Variants in RECK observed in about 807,000 individuals in gnomAD.
The protein encoded by RECK is reversion-inducing cysteine-rich protein with Kazal motifs.
Under a neutral mutation model 115.1 loss-of-function variants are expected in RECK, and 69 were observed. The observed-to-expected ratio is 0.60, with a 90% CI of 0.49 to 0.73. RECK has a LOEUF of 0.73. Ranked by LOEUF, RECK falls within the 30% of genes least tolerant of loss-of-function variation. The pLI is 0.00. For synonymous variants in RECK, 414 were observed against 419.7 expected, an observed-to-expected ratio of 0.99 and a Z score of 0.17; for missense variants, 1,047 against 1,203.7, an observed-to-expected ratio of 0.87 and a Z score of 1.93.
At chr9:36,080,209 C>G (rs538343684) in intron 6 of RECK, among the ~76,000 whole-genome samples, 1 of 152,256 alleles carries the variant, frequency 6.6e-6, no homozygotes, top group East Asian at 1.9e-4. Context: ...GTCTAAAATC[C>G]TTTCAAATCT....
intron 13 of RECK, among the ~76,000 whole-genome samples, chr9:36,106,498 A>C (rs1165178075): frequency 1.3e-5 from 2 of 151,776 alleles, no homozygotes; most frequent in South Asian, 4.2e-4. Context: ...TCAGCCTCTC[A>C]GAGTGCTGGG....
rs776334017 is a variant in RECK, at chr9:36,123,053, C to T, written c.*8C>T. On this transcript the variant is annotated 3_prime_UTR_variant, in exon 21 of 21. Coordinates refer to ENST00000377966, the MANE Select transcript of RECK (RefSeq NM_021111.3). ...CTCTGGACATATAACTGACTGCCCA[C>T]GGAAAGTGCAGAATGCTCCTCCACC... 28 of 1,607,512 alleles carry T rather than the reference C, an allele frequency of 1.7e-5. No individual in the cohort carries two copies. The highest frequency in any genetic ancestry group is 2.3e-5 in the Non-Finnish European group (27 of 1,174,936).
intron 1 of RECK, among the ~76,000 whole-genome samples, chr9:36,047,324 G>A (rs1452599745): frequency 2.0e-5 from 3 of 152,072 alleles, no homozygotes; most frequent in Admixed American, 6.6e-5. Context: ...ATAAGAAAGC[G>A]TCGGCCAGGT....
At chr9:36,077,986 C>T (rs1365154377) in intron 6 of RECK, among the ~76,000 whole-genome samples, 2 of 151,944 alleles carry the variant, frequency 1.3e-5, no homozygotes, top group African/African-American at 2.4e-5. Flanking sequence ...AGAGTGGAGG[C>T]CAACCTGGGC....
At chr9:36,089,788 A>T (rs1432347028) in intron 9 of RECK, among the ~76,000 whole-genome samples, 1 of 152,186 alleles carries the variant, frequency 6.6e-6, no homozygotes, top group Non-Finnish European at 1.5e-5. Context: ...ATCCAAAAAA[A>T]ATCCAAAATT....
At chr9:36,102,326 T>C in intron 12 of RECK, 96 bp downstream of exon 12, 2 of 1,095,882 alleles carry the variant, frequency 1.8e-6, no homozygotes, top group Non-Finnish European at 2.6e-6. Context: ...ATTTATCTGT[T>C]GAGAACATGG....
In RECK at chr9:36,117,938, C is replaced by T. The variant is rs144015108; in HGVS notation, c.2253+761C>T. Among the ~76,000 whole-genome samples, 34 of 152,272 alleles carry T rather than the reference C, an allele frequency of 2.2e-4. No homozygotes were observed. The East Asian group carries it at 6.6e-3, about 29-fold the overall frequency. On this transcript the variant is annotated intron_variant, in intron 17 of 20. Coordinates refer to ENST00000377966, the MANE Select transcript of RECK (RefSeq NM_021111.3). ...GAAGTTGCAGTGAGCCGAGATCATG[C>T]CATTGCACTCCAGCCTGGGTGACAG...
rs758318988 is a variant in RECK at position 36,122,928 on chromosome 9, G to C, written c.2799G>C (p.Gln933His). The change falls in exon 21 of 21, where the codon CAG becomes CAC. Residue 933 changes from glutamine to histidine, a missense_variant. Coordinates refer to ENST00000377966, the MANE Select transcript of RECK (RefSeq NM_021111.3). The part of the protein sequence containing the change: ...HVPLSALIIS[Q>H]VQVSSSVPSA... ...CTCTCTCTGCCCTCATCATTTCCCAGGTACAGGTCTCCAGCAGTGTGCCAT... is the reference window on the plus strand; with the variant it reads ...CTCTCTCTGCCCTCATCATTTCCCACGTACAGGTCTCCAGCAGTGTGCCAT... The C allele has an allele frequency of 1.2e-6, 2 of 1,614,190 alleles. No homozygotes were observed. Among genetic ancestry groups the C allele is most frequent in the South Asian group, 2.2e-5 (2 of 91,072 alleles).
chr9:36,120,515 T>C, intron 18 of RECK, 148 bp from the exon 19 acceptor site: 1 of 613,538 alleles, frequency 1.6e-6, no homozygotes, highest in Non-Finnish European at 2.9e-6. Flanking sequence ...GACTCCAGGT[T>C]GGTCAAGGAG....
chr9:36,057,151 TAAAA>T (rs34821500), intron 2 of RECK: 6 of 155,916 alleles, frequency 3.8e-5, no homozygotes, highest in South Asian at 2.1e-4. Flanking sequence ...CAGCATCAAT[TAAAA>T]AAAAAAAAAA....
Position 36,107,318 on chromosome 9 carries a change from G to A in RECK, c.1577-658G>A, listed in dbSNP as rs576623597. Among the ~76,000 whole-genome samples the A allele has an allele frequency of 8.6e-5, 13 of 150,588 alleles. No homozygotes were observed. In the East Asian group the frequency reaches 1.8e-3, roughly 21 times the overall value. ...TATTCTAAAAATACTGGCCAGGCGC[G>A]GTAGCTCACGCCTGTAATCCCAGCA... is the stretch of plus-strand genomic sequence containing the variant. On this transcript the variant is annotated intron_variant, in intron 13 of 20. Coordinates refer to ENST00000377966, the MANE Select transcript of RECK (RefSeq NM_021111.3).
intron 13 of RECK, 62 bp from the exon 14 acceptor site, chr9:36,107,914 A>C: frequency 8.6e-7 from 1 of 1,162,042 alleles, no homozygotes; most frequent in Non-Finnish European, 1.2e-6. Context: ...GTGTATATCT[A>C]ATGTTATAAA....
intron 5 of RECK, 105 bp downstream of exon 5, chr9:36,063,985 C>A: frequency 3.9e-6 from 4 of 1,038,108 alleles, no homozygotes; most frequent in East Asian, 2.5e-5. Flanking sequence ...AGAGGTAACC[C>A]GTAAAAACTG....
chr9:36,040,967 ATAAT>A (rs903515335), intron 1 of RECK, among the ~76,000 whole-genome samples: 15 of 152,194 alleles, frequency 9.9e-5, no homozygotes, highest in African/African-American at 3.6e-4. Context: ...AATATTAGTA[ATAAT>A]TGCACTAGGG....
chr9:36,037,152 G>C, intron 1 of RECK, 54 bp downstream of exon 1: 1 of 1,137,302 alleles, frequency 8.8e-7, no homozygotes, highest in Non-Finnish European at 1.1e-6. Flanking sequence ...CCGCCACAGC[G>C]CTCCAAGATG....
chr9:36,050,222 A>G (rs1821233832), intron 1 of RECK, among the ~76,000 whole-genome samples: 1 of 152,156 alleles, frequency 6.6e-6, no homozygotes, highest in South Asian at 2.1e-4. Flanking sequence ...GCATCTCAAA[A>G]TTATATCTAA....
intron 17 of RECK, among the ~76,000 whole-genome samples, 200 bp from the exon 18 acceptor site, chr9:36,118,557 C>T (rs1386897873): frequency 6.6e-6 from 1 of 152,204 alleles, no homozygotes; most frequent in East Asian, 1.9e-4. Context: ...AATCTTTCAG[C>T]TCATCTGGAG....
rs1823519028 is a variant in RECK at position 36,100,445 on chromosome 9, T to C, written c.1200T>C (p.Leu400=). The change falls in exon 11 of 21, where the codon CTT becomes CTC. Residue 400 remains leucine, a synonymous_variant. Coordinates refer to ENST00000377966, the MANE Select transcript of RECK (RefSeq NM_021111.3). ...IKMPFINIPV[L]DIKKCQPEMW... is the part of the protein sequence containing the mutation. ...TGCCATTTATCAATATACCTGTTCTTGATATTAAAAAGTGCCAGCCAGAGA... is the reference window on the plus strand; with the variant it reads ...TGCCATTTATCAATATACCTGTTCTCGATATTAAAAAGTGCCAGCCAGAGA... 1 of 1,614,082 alleles carries C rather than the reference T, an allele frequency of 6.2e-7. No individual in the cohort carries two copies. The highest frequency in any genetic ancestry group is 8.5e-7 in the Non-Finnish European group (1 of 1,179,936).
At chr9:36,037,594 A>T (rs1008104892) in intron 1 of RECK, among the ~76,000 whole-genome samples, 1 of 151,682 alleles carries the variant, frequency 6.6e-6, no homozygotes, top group African/African-American at 2.4e-5. Flanking sequence ...CGGGCAGGAG[A>T]CATTAAAAAT....
Sources: allele counts gnomAD v4.1 joint callset (sites outside exome capture counted in the v4.1 genomes callset), GRCh38; gene constraint gnomAD v4.1.1; transcripts MANE v1.5; gene names NCBI Gene and HGNC (gene_info 2026-07-23, HGNC 2026-07-21).